Variants in MME observed in about 807,000 individuals in gnomAD.
MME encodes the protein neprilysin.
MME carries 98 observed loss-of-function variants against 113.2 expected under a neutral mutation model. That is an observed-to-expected ratio of 0.87 (90% CI 0.74 to 1.02). The LOEUF (loss-of-function observed/expected upper bound fraction) is 1.02. MME is among the 50% of genes least tolerant of loss of function. The pLI, the probability that MME is intolerant of heterozygous loss-of-function variation, is 0.00. For synonymous variants in MME, 292 were observed against 300.6 expected (o/e 0.97, Z 0.30); for missense variants, 836 against 896.0 (o/e 0.93, Z 0.86).
intron 1 of MME, among the ~76,000 whole-genome samples, chr3:155,059,421 CTATT>C (rs112514607): frequency 0.027 from 4,059 of 152,194 alleles, 82 homozygotes; most frequent in South Asian, 0.089. Flanking sequence ...AAATTTCAAT[CTATT>C]TATTCCACAA....
In MME at chr3:155,138,167, G is replaced by A. The variant is rs34147103; in HGVS notation, c.786G>A (p.Leu262=). 3.7e-4 allele frequency: 589 copies of A among 1,613,576 alleles called. 4 individuals carry two copies. In the African/African-American group the frequency reaches 7.0e-3, roughly 19 times the overall value. The stretch of plus-strand genomic sequence containing the variant: ...GATTGATTCGTCAGGAAGAAAGATT[G>A]CCCATCGATGAAAACCAGCTTGCTT... ...VARLIRQEER[L]PIDENQLALE... is the part of the protein sequence containing the mutation. Residue 262 remains leucine, a synonymous_variant, in exon 9 of 23, where the codon TTG becomes TTA. Transcript: ENST00000360490.
At chr3:155,177,398 C>A (rs1180808793) in intron 22 of MME, among the ~76,000 whole-genome samples, 1 of 152,190 alleles carries the variant, frequency 6.6e-6, no homozygotes, top group Non-Finnish European at 1.5e-5. Flanking sequence ...TGAATCAAAG[C>A]TCCTCTCTAA....
At chr3:155,114,924 C>A (rs61763248) in intron 3 of MME, 70 bp from the exon 4 acceptor site, 1 of 1,513,192 alleles carries the variant, frequency 6.6e-7, no homozygotes, top group South Asian at 1.1e-5. Context: ...AGCAATAAGC[C>A]TTTTTCTCCT....
intron 3 of MME, among the ~76,000 whole-genome samples, chr3:155,091,266 G>A (rs1029918605): frequency 2.0e-5 from 3 of 152,136 alleles, no homozygotes; most frequent in African/African-American, 7.2e-5. Flanking sequence ...GTCAAAATTA[G>A]CATCTGTCAA....
chr3:155,065,197 A>AGT (rs1012501479), intron 1 of MME, among the ~76,000 whole-genome samples: 1 of 152,098 alleles, frequency 6.6e-6, no homozygotes, highest in Non-Finnish European at 1.5e-5. Context: ...TCATTTCTGA[A>AGT]GTGTGTGTGT....
chr3:155,049,125 A>G (rs1053091546), intron 1 of MME, among the ~76,000 whole-genome samples: 1 of 152,054 alleles, frequency 6.6e-6, no homozygotes, highest in Admixed American at 6.6e-5. Context: ...TTCTGTGTTC[A>G]GATCTCTCAT....
intron 1 of MME, among the ~76,000 whole-genome samples, chr3:155,054,554 G>T (rs1194211024): frequency 1.3e-5 from 2 of 152,200 alleles, no homozygotes; most frequent in African/African-American, 2.4e-5. Flanking sequence ...GGGTGCAGTG[G>T]CTCACTCCTG....
chr3:155,028,862 G>C (rs1712873648), intron 1 of MME, among the ~76,000 whole-genome samples: 1 of 152,084 alleles, frequency 6.6e-6, no homozygotes, highest in Non-Finnish European at 1.5e-5. Context: ...GTTAGTTTGG[G>C]CTACAAAGAC....
At chr3:155,085,201 A>G in intron 3 of MME, 107 bp downstream of exon 3, 1 of 702,520 alleles carries the variant, frequency 1.4e-6, no homozygotes. Flanking sequence ...ATTGTAGATC[A>G]ATTATTTATG....
chr3:155,129,887 C>A (rs765604955), intron 8 of MME, among the ~76,000 whole-genome samples: 1 of 152,128 alleles, frequency 6.6e-6, no homozygotes, highest in Non-Finnish European at 1.5e-5. Flanking sequence ...TGAAACCAAC[C>A]AGCAACCTCA....
rs1720946555 is a variant in MME at position 155,140,136 on chromosome 3, T to A, written c.856-55T>A. On this transcript the variant is annotated intron_variant, in intron 9 of 22. Transcript: ENST00000360490. ...ATATTTTTACCCTCATATGTAGTTA[T>A]ATTTTTCTAAAGAATTCTTAATTCT... 2.4e-6 allele frequency: 3 copies of A among 1,267,116 alleles called. No homozygotes were observed. The South Asian group carries it at 3.8e-5, about 16-fold the overall frequency. The allele number at this position is 1,267,116 out of a possible 1,614,324, so 78.5% of individuals were successfully genotyped here. A position where few individuals can be genotyped will look rare whatever the true frequency, so the allele number is the denominator to read the frequency against.
intron 16 of MME, among the ~76,000 whole-genome samples, chr3:155,152,926 A>C (rs1722039566): frequency 6.6e-6 from 1 of 152,122 alleles, no homozygotes; most frequent in South Asian, 2.1e-4. Context: ...CAAATTCAAG[A>C]AATTGAGGAA....
chr3:155,052,892 C>G (rs1034465961), intron 1 of MME, among the ~76,000 whole-genome samples: 2 of 152,166 alleles, frequency 1.3e-5, no homozygotes, highest in Non-Finnish European at 2.9e-5. Context: ...CTGTTGAATG[C>G]TTCGGTGCTT....
At chr3:155,124,535 C>T (rs1194584794) in intron 8 of MME, among the ~76,000 whole-genome samples, 3 of 152,124 alleles carry the variant, frequency 2.0e-5, no homozygotes, top group Non-Finnish European at 4.4e-5. Flanking sequence ...CTGTTTTTTC[C>T]CCATCTTTGT....
At chr3:155,093,177 C>A (rs888183177) in intron 3 of MME, among the ~76,000 whole-genome samples, 2 of 151,946 alleles carry the variant, frequency 1.3e-5, no homozygotes, top group African/African-American at 2.4e-5. Flanking sequence ...CCATTGAGCT[C>A]CATTTTTGCA....
In MME at chr3:155,028,181, ATCTTC is replaced by A. The variant is rs542883367; in HGVS notation, c.-11+3864_-11+3868del. On this transcript the variant is annotated intron_variant, in intron 1 of 22. Coordinates refer to the MME transcript ENST00000492661. ...ACAGACAACATTTCTACTCTCCAGG[ATCTTC>A]TCTTCTATAAAGATAGGACAGAAGA... is the stretch of plus-strand genomic sequence containing the variant. 3.5e-3 allele frequency among the ~76,000 whole-genome samples: 535 copies of A among 152,322 alleles called. 2 individuals carry two copies. The highest frequency in any genetic ancestry group is 8.4e-3 in the African/African-American group (351 of 41,580).
chr3:155,036,674 TC>T (rs1254389334), intron 1 of MME, among the ~76,000 whole-genome samples: 1 of 152,174 alleles, frequency 6.6e-6, no homozygotes, highest in African/African-American at 2.4e-5. Context: ...TACTCCCTTG[TC>T]AAATAATGTG....
chr3:155,157,171 C>G lies in MME; in HGVS notation c.1602-3219C>G, dbSNP rs190247032. On this transcript the variant is annotated intron_variant, in intron 16 of 22. Coordinates refer to ENST00000360490, the MANE Select transcript of MME (RefSeq NM_007289.4). The stretch of plus-strand genomic sequence containing the variant: ...TGTTTTACTGCCAAATGCCCCCAAA[C>G]GAGAATAAGCTTACCTGACAAAATT... Among the ~76,000 whole-genome samples, 789 of 152,090 alleles carry G rather than the reference C, an allele frequency of 5.2e-3. 6 individuals are homozygous for G. The highest frequency in any genetic ancestry group is 7.7e-3 in the Non-Finnish European group (520 of 67,962).
rs576787484 is a variant in MME at position 155,025,001 on chromosome 3, G to A, written c.-11+677G>A. ...TGATTTTTTCAACTTGGAGAAAATA[G>A]ACCCACTGAACTTAATAGCTGTCTC... On this transcript the variant is annotated intron_variant, in intron 1 of 22. Transcript: ENST00000492661. 6.6e-5 allele frequency among the ~76,000 whole-genome samples: 10 copies of A among 152,274 alleles called. No homozygotes were observed. In the South Asian group the frequency reaches 1.9e-3, roughly 28 times the overall value.
Sources: gnomAD v4.1 joint callset for allele counts (sites outside exome capture counted in the v4.1 genomes callset) on GRCh38, gnomAD v4.1.1 for gene constraint, MANE v1.5 for transcripts, NCBI Gene and HGNC (gene_info 2026-07-23, HGNC 2026-07-21) for gene names.